SAMD12: variants seen among roughly 807,000 people sequenced by gnomAD.
The protein encoded by SAMD12 is sterile alpha motif domain containing 12, also known as sterile alpha motif domain-containing protein 12.
A neutral mutation model predicts 15.0 loss-of-function variants in SAMD12; 9 were observed. The ratio of observed to expected loss-of-function variants is 0.60; its 90% CI spans 0.36 to 1.05. The LOEUF (loss-of-function observed/expected upper bound fraction) is 1.05, where lower values mean the gene tolerates loss of function less well. Ranked by LOEUF, SAMD12 falls within the 50% of genes least tolerant of loss-of-function variation. The pLI is 0.01. For synonymous variants in SAMD12, 86 were observed against 90.1 expected, an observed-to-expected ratio of 0.96 and a Z score of 0.25; for missense variants, 230 against 234.2, an observed-to-expected ratio of 0.98 and a Z score of 0.12.
downstream of SAMD12, among the ~76,000 whole-genome samples, chr8:118,374,597 A>C (rs1159159835): frequency 6.6e-6 from 1 of 152,108 alleles, no homozygotes; most frequent in Non-Finnish European, 1.5e-5. Context: ...TATTCCCACT[A>C]ACAGTATACA....
chr8:118,152,589 A>G, the SAMD12 span, among the ~76,000 whole-genome samples: 130,625 of 151,786 alleles, frequency 0.86, 56,302 homozygotes, highest in Non-Finnish European at 0.89. Flanking sequence ...ACCTTTGTTC[A>G]CCAGTCTCAA....
chr8:118,621,520 TCCC>T (rs917212630), intron 1 of SAMD12: 4 of 488,048 alleles, frequency 8.2e-6, no homozygotes, highest in Middle Eastern at 5.4e-4. Context: ...CCTCCGGCTT[TCCC>T]CCCATTTCCA....
At chr8:118,432,169 C>T (rs550868714) in intron 3 of SAMD12, among the ~76,000 whole-genome samples, 1 of 152,170 alleles carries the variant, frequency 6.6e-6, no homozygotes, top group Non-Finnish European at 1.5e-5. Flanking sequence ...TGCATTAGTA[C>T]CTTTAACATA....
intron 3 of SAMD12, among the ~76,000 whole-genome samples, chr8:118,404,548 C>T (rs908933571): frequency 6.6e-6 from 1 of 152,260 alleles, no homozygotes; most frequent in African/African-American, 2.4e-5. Context: ...TAGATTGAAC[C>T]CACTTTTTCT....
chr8:118,248,625 A>G (rs1812750341), intron 4 of SAMD12, among the ~76,000 whole-genome samples: 1 of 133,584 alleles, frequency 7.5e-6, no homozygotes, highest in Non-Finnish European at 1.5e-5. Flanking sequence ...ATTACTGAAT[A>G]GATGACTTTT....
intron 4 of SAMD12, among the ~76,000 whole-genome samples, chr8:118,234,241 T>C (rs894652158): frequency 6.6e-6 from 1 of 152,048 alleles, no homozygotes; most frequent in African/African-American, 2.4e-5. Context: ...GCTTGGATTC[T>C]ACCTCCCTAA....
chr8:118,145,280 G>T, the SAMD12 span, among the ~76,000 whole-genome samples: 125 of 152,224 alleles, frequency 8.2e-4, no homozygotes, highest in Admixed American at 2.0e-3. Flanking sequence ...CCAACCATTG[G>T]AAAATACTCA....
intron 2 of SAMD12, among the ~76,000 whole-genome samples, chr8:118,508,157 C>A (rs950003546): frequency 2.7e-5 from 4 of 149,526 alleles, no homozygotes; most frequent in Non-Finnish European, 5.9e-5. Flanking sequence ...CTGTGCCGGG[C>A]TCCCTTTTCT....
At chr8:118,492,938 A>C (rs1824491967) in intron 2 of SAMD12, among the ~76,000 whole-genome samples, 1 of 152,198 alleles carries the variant, frequency 6.6e-6, no homozygotes, top group South Asian at 2.1e-4. Context: ...AATCAAAGAT[A>C]CTACACCAAA....
chr8:118,489,309 A>G (rs1824373536), intron 2 of SAMD12, among the ~76,000 whole-genome samples: 1 of 152,086 alleles, frequency 6.6e-6, no homozygotes, highest in South Asian at 2.1e-4. Flanking sequence ...TTATTCTGCC[A>G]TGTCTTGATG....
At chr8:118,404,073 G>T (rs534726634) in intron 3 of SAMD12, among the ~76,000 whole-genome samples, 143 of 152,254 alleles carry the variant, frequency 9.4e-4, no homozygotes, top group Non-Finnish European at 1.8e-3. Context: ...GCCTCGACCT[G>T]CGGGGCACAA....
At chr8:118,524,019 T>A (rs976199694) in intron 2 of SAMD12, among the ~76,000 whole-genome samples, 1 of 152,146 alleles carries the variant, frequency 6.6e-6, no homozygotes, top group Non-Finnish European at 1.5e-5. Context: ...TCCATCAGCA[T>A]ATAAACATCT....
At chr8:118,319,944 A>G (rs1183849728) in intron 4 of SAMD12, among the ~76,000 whole-genome samples, 3 of 152,186 alleles carry the variant, frequency 2.0e-5, no homozygotes, top group Non-Finnish European at 4.4e-5. Context: ...AATCATCAGC[A>G]TATTGGTGCA....
intron 4 of SAMD12, among the ~76,000 whole-genome samples, chr8:118,265,323 G>T (rs1007041709): frequency 2.0e-5 from 3 of 152,100 alleles, no homozygotes; most frequent in African/African-American, 7.2e-5. Flanking sequence ...AACAAATGAG[G>T]CATAATAAAG....
rs139580404 is a variant in SAMD12, at chr8:118,231,340, G to A, written c.434-33608C>T. ...GGAAGGGGGAACTGACAGATCACTT[G>A]GCAAGCATAATAAAACCATGGTTAT... On this transcript the variant is annotated intron_variant, in intron 4 of 4. Coordinates refer to the SAMD12 transcript ENST00000409003. Among the ~76,000 whole-genome samples the A allele has an allele frequency of 2.4e-3, 362 of 152,214 alleles. 1 individual carries two copies. Among genetic ancestry groups the A allele is most frequent in the African/African-American group, 7.6e-3 (314 of 41,548 alleles).
intron 2 of SAMD12, among the ~76,000 whole-genome samples, chr8:118,552,603 C>T (rs960945832): frequency 2.6e-5 from 4 of 152,218 alleles, no homozygotes; most frequent in Admixed American, 6.5e-5. Flanking sequence ...TGGAAGCATT[C>T]CCTTTGAAAA....
chr8:118,413,179 A>C (rs550533779), intron 3 of SAMD12, among the ~76,000 whole-genome samples: 1 of 152,282 alleles, frequency 6.6e-6, no homozygotes, highest in Non-Finnish European at 1.5e-5. Flanking sequence ...TCCACTCAGC[A>C]AATGTAGCCT....
rs1193433323 is a variant in SAMD12, at chr8:118,378,881, T to C, written c.*536A>G. 2.1e-6 allele frequency: 2 copies of C among 971,036 alleles called. No homozygotes were observed. Among genetic ancestry groups the C allele is most frequent in the Non-Finnish European group, 2.4e-6 (2 of 816,824 alleles). The allele number at this position is 971,036 out of a possible 1,614,324, so 60.2% of individuals were successfully genotyped here. ...TGAGATCTTAAGTGCTCTCATCATA[T>C]TGAAGTTATTTATAATTCCTGTTAA... is the stretch of plus-strand genomic sequence containing the variant. On this transcript the variant is annotated 3_prime_UTR_variant, in exon 4 of 4. Coordinates refer to ENST00000314727, the MANE Select transcript of SAMD12 (RefSeq NM_207506.3).
At chr8:118,533,735 C>T (rs1825755729) in intron 2 of SAMD12, among the ~76,000 whole-genome samples, 1 of 151,448 alleles carries the variant, frequency 6.6e-6, no homozygotes, top group Non-Finnish European at 1.5e-5. Context: ...GGTTTAAAGT[C>T]TGTTTTATCA....
Sources: gnomAD v4.1 joint callset for allele counts (sites outside exome capture counted in the v4.1 genomes callset) on GRCh38, gnomAD v4.1.1 for gene constraint, MANE v1.5 for transcripts, NCBI Gene and HGNC (gene_info 2026-07-23, HGNC 2026-07-21) for gene names.